The following CCDC171 variants were observed in gnomAD, a reference collection of about 807,000 sequenced individuals.
The protein encoded by CCDC171 is coiled-coil domain-containing protein 171.
CCDC171 carries 177 observed loss-of-function variants against 168.2 expected under a neutral mutation model. The observed-to-expected ratio is 1.05, with a 90% CI of 0.93 to 1.19. The LOEUF is 1.19. Among genes scored for constraint, CCDC171 ranks in the 50% most tolerant of loss-of-function variants. The pLI is 0.00. For missense variants in CCDC171, 1,991 were observed against 1,539.0 expected (o/e 1.29, Z -4.91); for synonymous variants, 687 against 540.8 (o/e 1.27, Z -3.75).
chr9:15,559,469 C>T (rs1001716737), intron 1 of CCDC171, among the ~76,000 whole-genome samples: 2 of 152,128 alleles, frequency 1.3e-5, no homozygotes, highest in African/African-American at 4.8e-5. Context: ...TTGAACTGAT[C>T]CCTTTACCAT....
chr9:16,065,730 T>C (rs1371718607), downstream of CCDC171, among the ~76,000 whole-genome samples: 1 of 152,084 alleles, frequency 6.6e-6, no homozygotes, highest in East Asian at 1.9e-4. Context: ...GCATCTGAAC[T>C]CAGTAGCTTA....
At chr9:15,714,512 G>A (rs533306113) in intron 11 of CCDC171, among the ~76,000 whole-genome samples, 2 of 152,276 alleles carry the variant, frequency 1.3e-5, no homozygotes, top group South Asian at 2.1e-4. Flanking sequence ...AGAAACCACA[G>A]TAGCACATTT....
At chr9:15,898,677 C>G (rs928186771) in intron 24 of CCDC171, among the ~76,000 whole-genome samples, 1 of 151,938 alleles carries the variant, frequency 6.6e-6, no homozygotes, top group Non-Finnish European at 1.5e-5. Context: ...TATTAGAATG[C>G]TATATATTTG....
At chr9:15,766,213 G>A (rs1270900846) in intron 18 of CCDC171, among the ~76,000 whole-genome samples, 1 of 152,114 alleles carries the variant, frequency 6.6e-6, no homozygotes, top group Non-Finnish European at 1.5e-5. Flanking sequence ...TAGTGCATAT[G>A]AAGCTCCTGC....
At chr9:15,780,771 T>G (rs2057624213) in intron 20 of CCDC171, among the ~76,000 whole-genome samples, 1 of 152,198 alleles carries the variant, frequency 6.6e-6, no homozygotes. Context: ...CCTCTGTCAT[T>G]TAATTATTAA....
chr9:15,623,646 A>G (rs10756679), intron 7 of CCDC171, among the ~76,000 whole-genome samples: 54,244 of 151,884 alleles, frequency 0.36, 12,028 homozygotes, highest in East Asian at 0.65. Context: ...GTTTTGCCCT[A>G]GTTTAAAAAA....
intron 3 of CCDC171, among the ~76,000 whole-genome samples, chr9:16,009,804 A>G (rs1564117251): frequency 6.6e-6 from 1 of 152,178 alleles, no homozygotes; most frequent in East Asian, 1.9e-4. Flanking sequence ...TTTTTAACAA[A>G]ACATATTTTA....
At chr9:16,054,507 C>G (rs1032003415) in intron 1 of CCDC171, among the ~76,000 whole-genome samples, 1 of 152,094 alleles carries the variant, frequency 6.6e-6, no homozygotes, top group Non-Finnish European at 1.5e-5. Flanking sequence ...TGTTGTTGTT[C>G]TCTAAAGATC....
At chr9:15,607,036 T>G (rs1188011122) in intron 6 of CCDC171, among the ~76,000 whole-genome samples, 3 of 152,322 alleles carry the variant, frequency 2.0e-5, no homozygotes, top group Non-Finnish European at 2.9e-5. Context: ...CATGAGGTAT[T>G]TTTGTAGTTT....
At chr9:15,703,602 G>A (rs2051969086) in intron 11 of CCDC171, among the ~76,000 whole-genome samples, 2 of 152,004 alleles carry the variant, frequency 1.3e-5, no homozygotes, top group African/African-American at 4.8e-5. Context: ...TTTTTCTATG[G>A]GTGAGTGATA....
At chr9:15,943,312 A>G (rs1220569568) in intron 25 of CCDC171, among the ~76,000 whole-genome samples, 1 of 152,020 alleles carries the variant, frequency 6.6e-6, no homozygotes, top group African/African-American at 2.4e-5. Context: ...CCAGAAAAAA[A>G]CACTTATTTA....
chr9:15,834,365 A>C (rs1047990753), intron 21 of CCDC171, among the ~76,000 whole-genome samples: 6 of 152,244 alleles, frequency 3.9e-5, no homozygotes, highest in African/African-American at 1.4e-4. Flanking sequence ...AGGTAATTTT[A>C]CCCCATGTGG....
chr9:16,034,017 A>G (rs1833416816), intron 6 of CCDC171, among the ~76,000 whole-genome samples: 1 of 152,122 alleles, frequency 6.6e-6, no homozygotes, highest in African/African-American at 2.4e-5. Context: ...GAATTTGTTC[A>G]CCTAAGCTTC....
chr9:15,745,379 A>G (rs2055195938), intron 17 of CCDC171, 136 bp from the exon 18 acceptor site: 2 of 455,942 alleles, frequency 4.4e-6, no homozygotes, highest in Admixed American at 7.8e-5. Flanking sequence ...AACATTTAAT[A>G]GATTTTTCCA....
intron 7 of CCDC171, among the ~76,000 whole-genome samples, chr9:15,633,573 G>T (rs1461825676): frequency 6.6e-6 from 1 of 152,098 alleles, no homozygotes; most frequent in African/African-American, 2.4e-5. Context: ...TACACTGTTG[G>T]TGGGACTGTA....
intron 16 of CCDC171, among the ~76,000 whole-genome samples, chr9:15,736,369 G>T (rs78435636): frequency 2.0e-5 from 3 of 149,242 alleles, no homozygotes; most frequent in African/African-American, 4.9e-5. Flanking sequence ...TTTTTTTTTG[G>T]AGCTAGTACC....
At chr9:15,557,560 A>G (rs1301523560) in intron 1 of CCDC171, among the ~76,000 whole-genome samples, 1 of 152,140 alleles carries the variant, frequency 6.6e-6, no homozygotes, top group Non-Finnish European at 1.5e-5. Context: ...GTGTATAAGA[A>G]TGCTTGTGAT....
chr9:15,695,153 C>T, intron 10 of CCDC171, 82 bp from the exon 11 acceptor site: 1 of 819,734 alleles, frequency 1.2e-6, no homozygotes, highest in Non-Finnish European at 2.1e-6. Flanking sequence ...CTTGTTTATA[C>T]TTGTGTTATA....
intron 3 of CCDC171, among the ~76,000 whole-genome samples, chr9:15,982,756 C>T (rs1377885880): frequency 6.6e-6 from 1 of 152,082 alleles, no homozygotes; most frequent in Non-Finnish European, 1.5e-5. Flanking sequence ...TAAACCGACT[C>T]ACTTAATTTT....
Sources: gnomAD v4.1 joint callset for allele counts (sites outside exome capture counted in the v4.1 genomes callset) on GRCh38, gnomAD v4.1.1 for gene constraint, MANE v1.5 for transcripts, NCBI Gene and HGNC (gene_info 2026-07-23, HGNC 2026-07-21) for gene names.